The following ZNF251 variants were observed in gnomAD, a reference collection of about 807,000 sequenced individuals.
The protein encoded by ZNF251 is zinc finger protein 251.
Under a neutral mutation model 13.5 loss-of-function variants are expected in ZNF251, and 14 were observed. The ratio of observed to expected loss-of-function variants is 1.04; its 90% CI spans 0.69 to 1.63. The LOEUF is 1.63. ZNF251 is among the 40% of genes most tolerant of loss of function. The pLI, the probability that ZNF251 is intolerant of heterozygous loss-of-function variation, is 0.00. For missense variants in ZNF251, 764 were observed against 834.9 expected (o/e 0.92, Z 1.05); for synonymous variants, 287 against 295.2 (o/e 0.97, Z 0.28).
At chr8:144,754,450 G>A in intron 2 of ZNF251, 129 bp from the exon 3 acceptor site, 3 of 1,445,124 alleles carry the variant, frequency 2.1e-6, no homozygotes, top group East Asian at 5.0e-5. Flanking sequence ...TGTATCAGCA[G>A]GTCCCTGATG....
Position 144,721,915 on chromosome 8 carries a change from G to C in ZNF251, c.1745C>G (p.Thr582Ser). ...CCCAGCATGCATTATCTGATCTTCA[G>C]TGGGTCGTGAGGTGGGACTGAAAGC... ...GKAFSPTSRP[T>S]EDQIMHAGEK... Residue 582 changes from threonine to serine, a missense_variant, in exon 5 of 5, where the codon ACT becomes AGT. Physicochemically the swap from Thr to Ser is moderately conservative, Grantham distance 58. Transcript: ENST00000292562. 1 of 1,508,990 alleles carries C rather than the reference G, an allele frequency of 6.6e-7. No homozygotes were observed. The highest frequency in any genetic ancestry group is 1.8e-4 in the Middle Eastern group (1 of 5,572). The allele number at this position is 1,508,990 out of a possible 1,614,324, so 93.5% of individuals were successfully genotyped here.
intron 4 of ZNF251, among the ~76,000 whole-genome samples, chr8:144,743,012 T>C (rs1231073746): frequency 6.6e-6 from 1 of 152,236 alleles, no homozygotes; most frequent in South Asian, 2.1e-4. Context: ...CACTTGGTAA[T>C]GTGCACTTAA....
intron 4 of ZNF251, chr8:144,730,185 G>T: frequency 1.1e-6 from 1 of 906,168 alleles, no homozygotes; most frequent in Non-Finnish European, 1.3e-6. Flanking sequence ...CGGGCCTAAA[G>T]CCCCTCCAGG....
intron 4 of ZNF251, among the ~76,000 whole-genome samples, chr8:144,732,664 T>C (rs548047218): frequency 6.6e-6 from 1 of 151,870 alleles, no homozygotes; most frequent in South Asian, 2.1e-4. Flanking sequence ...TACAAAAAAT[T>C]AGCTGGGTGT....
chr8:144,731,628 C>T (rs113217276), intron 4 of ZNF251, among the ~76,000 whole-genome samples: 7,121 of 152,286 alleles, frequency 0.047, 277 homozygotes, highest in Non-Finnish European at 0.064. Flanking sequence ...GCTCTATTGC[C>T]CAGGCTGGAG....
At chr8:144,748,663 C>T (rs764719432) in intron 4 of ZNF251, among the ~76,000 whole-genome samples, 4 of 152,050 alleles carry the variant, frequency 2.6e-5, no homozygotes, top group African/African-American at 7.2e-5. Flanking sequence ...TGGGCTCAAG[C>T]GATCCTACCA....
At chr8:144,743,719 G>A (rs1824277659) in intron 4 of ZNF251, among the ~76,000 whole-genome samples, 1 of 152,156 alleles carries the variant, frequency 6.6e-6, no homozygotes, top group Admixed American at 6.5e-5. Context: ...GGCCAGCACT[G>A]GGGGTTATCA....
chr8:144,730,799 C>A (rs995604163), intron 4 of ZNF251, among the ~76,000 whole-genome samples: 7 of 152,212 alleles, frequency 4.6e-5, no homozygotes, highest in African/African-American at 7.2e-5. Context: ...GAAACACACT[C>A]GAAACTTCTA....
intron 4 of ZNF251, among the ~76,000 whole-genome samples, chr8:144,751,699 G>A (rs1824699973): frequency 6.6e-6 from 1 of 152,178 alleles, no homozygotes; most frequent in Non-Finnish European, 1.5e-5. Context: ...TTATGCACAA[G>A]TGCATTCCTG....
intron 4 of ZNF251, among the ~76,000 whole-genome samples, chr8:144,743,730 G>A (rs1472504554): frequency 6.6e-6 from 1 of 152,198 alleles, no homozygotes; most frequent in Non-Finnish European, 1.5e-5. Context: ...GGGGTTATCA[G>A]TGGTGTGGAT....
chr8:144,721,711 G>A lies in ZNF251; in HGVS notation c.1949C>T (p.Ala650Val). The A allele has an allele frequency of 7.3e-7, 1 of 1,373,622 alleles. No homozygotes were observed. Among genetic ancestry groups the A allele is most frequent in the Non-Finnish European group, 9.5e-7 (1 of 1,055,216 alleles). 85.1% of individuals were successfully genotyped at this position (1,373,622 alleles called of 1,614,324 possible). A position where few individuals can be genotyped will look rare whatever the true frequency, so the allele number is the denominator to read the frequency against. Residue 650 changes from alanine (A) to valine (V), a missense_variant, in exon 5 of 5, where the codon GCT (alanine) becomes GTT (valine). Transcript: ENST00000292562. ...PQQTRVGEKP[A>V]LNDGSKRYFI... ...GTATCTTTTAGAGCCATCATTTAAA[G>A]CAGGTTTCTCTCCAACACGAGTCTG...
chr8:144,749,993 A>G (rs1023017633), intron 4 of ZNF251, among the ~76,000 whole-genome samples: 11 of 150,472 alleles, frequency 7.3e-5, no homozygotes, highest in African/African-American at 2.7e-4. Flanking sequence ...AAATACAGGT[A>G]TGTGCCACCA....
chr8:144,721,848 A>C lies in ZNF251; in HGVS notation c.1812T>G (p.Ser604Arg). The change falls in exon 5 of 5, where the codon AGT becomes AGG. Residue 604 changes from serine to arginine, a missense_variant. Transcript: ENST00000292562. ...GATGTTGAATAAGGGTTGACTTTCC[A>C]CTGAAGGCGTTTCCACATTCTTGAC... ...YKCQECGNAF[S>R]GKSTLIQHQV... 2.0e-6 allele frequency: 3 copies of C among 1,499,526 alleles called. No homozygotes were observed. The highest frequency in any genetic ancestry group is 2.7e-6 in the Non-Finnish European group (3 of 1,124,230). The allele number at this position is 1,499,526 out of a possible 1,614,324, so 92.9% of individuals were successfully genotyped here.
chr8:144,726,742 T>C (rs1823529185), intron 4 of ZNF251, among the ~76,000 whole-genome samples: 3 of 151,590 alleles, frequency 2.0e-5, no homozygotes, highest in Non-Finnish European at 4.4e-5. Context: ...CGGTGGCAGG[T>C]GCCTGTAGTC....
chr8:144,755,346 CG>C (rs1448073794), intron 1 of ZNF251, 58 bp downstream of exon 1: 36 of 1,285,542 alleles, frequency 2.8e-5, no homozygotes, highest in Non-Finnish European at 3.6e-5. Context: ...GCGCCCTCCC[CG>C]CGCCCTCCCC....
intron 4 of ZNF251, among the ~76,000 whole-genome samples, chr8:144,750,294 C>G (rs1358095977): frequency 6.6e-6 from 1 of 152,152 alleles, no homozygotes; most frequent in Non-Finnish European, 1.5e-5. Context: ...ATCCTGTTTT[C>G]AGGTGTTGGG....
At chr8:144,744,634 C>G (rs1445654536) in intron 4 of ZNF251, among the ~76,000 whole-genome samples, 1 of 152,182 alleles carries the variant, frequency 6.6e-6, no homozygotes, top group Non-Finnish European at 1.5e-5. Context: ...TACCAGAGAA[C>G]TTGCACTTTC....
rs781553257 is a variant in ZNF251, at chr8:144,722,031, G to A, written c.1629C>T (p.His543=). The change falls in exon 5 of 5, where the codon CAC becomes CAT. Residue 543 remains histidine (H), a synonymous_variant. Coordinates refer to ENST00000292562, the MANE Select transcript of ZNF251 (RefSeq NM_138367.2). This position sits in a 1 kb window ranked among gnomAD's most constrained non-coding sequence, Gnocchi z 4.8. The part of the protein sequence containing the change: ...ADGQIPTGEK[H]GRAFNHGANL... The stretch of plus-strand genomic sequence containing the variant: ...TTGCACCATGGTTAAAGGCTCTGCC[G>A]TGCTTCTCTCCAGTGGGAATCTGTC... 1.4e-5 allele frequency: 22 copies of A among 1,610,604 alleles called. No homozygotes were observed. Among genetic ancestry groups the A allele is most frequent in the South Asian group, 4.4e-5 (4 of 90,570 alleles).
At chr8:144,741,366 ACACACT>A (rs1824158407) in intron 4 of ZNF251, among the ~76,000 whole-genome samples, 1 of 152,222 alleles carries the variant, frequency 6.6e-6, no homozygotes, top group East Asian at 1.9e-4. Flanking sequence ...ACACTCATAC[ACACACT>A]CACACACACT....
Sources: gnomAD v4.1 joint callset for allele counts (sites outside exome capture counted in the v4.1 genomes callset) on GRCh38, gnomAD v4.1.1 for gene constraint, Gnocchi (gnomAD v3.1) non-coding constraint, MANE v1.5 for transcripts, NCBI Gene and HGNC (gene_info 2026-07-23, HGNC 2026-07-21) for gene names.